The following EDA2R variants were observed in gnomAD, a reference collection of about 807,000 sequenced individuals.
EDA2R encodes the protein tumor necrosis factor receptor superfamily member 27.
In EDA2R, 26 loss-of-function variants were observed where a neutral mutation model predicts 20.1. The ratio of observed to expected loss-of-function variants is 1.30; its 90% confidence interval spans 0.95 to 1.80. The LOEUF is 1.80. Among genes scored for constraint, EDA2R ranks in the 40% most tolerant of loss-of-function variants. The pLI, the probability that EDA2R is intolerant of heterozygous loss-of-function variation, is 0.00. For synonymous variants in EDA2R, 114 were observed against 88.7 expected (o/e 1.29, Z -1.60); for missense variants, 277 against 228.7 (o/e 1.21, Z -1.36).
At chrX:66,616,109 G>T in intron 1 of EDA2R, 79 bp from the exon 2 acceptor site, 1 of 652,111 alleles carries the variant, frequency 1.5e-6, no homozygotes, top group Non-Finnish European at 2.5e-6. Context: ...CTTGGCTTCT[G>T]GGTCCCCTTA....
intron 1 of EDA2R, among the ~76,000 whole-genome samples, chrX:66,616,285 T>C (rs913647007): frequency 8.9e-6 from 1 of 112,565 alleles, no homozygotes; most frequent in Non-Finnish European, 1.9e-5. Flanking sequence ...AGCAACATTT[T>C]ACAGATGAAG....
At chrX:66,637,989 A>T (rs1011797210) in intron 1 of EDA2R, among the ~76,000 whole-genome samples, 7 of 111,126 alleles carry the variant, frequency 6.3e-5, no homozygotes, top group East Asian at 2.8e-4. Context: ...AAAAAAGAAT[A>T]AAAAAAAACC....
At chrX:66,627,900 C>A (rs779672383) in intron 1 of EDA2R, among the ~76,000 whole-genome samples, 151 of 111,908 alleles carry the variant, frequency 1.3e-3, no homozygotes, top group African/African-American at 4.7e-3. Flanking sequence ...TTCAACAGTG[C>A]ATGGAACTTT....
chrX:66,615,827 T>C lies in EDA2R; in HGVS notation c.87+107A>G. 5.4e-6 allele frequency: 3 copies of C among 558,043 alleles called. No homozygotes were observed. The East Asian group carries it at 1.1e-4, about 20-fold the overall frequency. 46.0% of individuals were successfully genotyped at this position (558,043 alleles called of 1,213,427 possible). A position where few individuals can be genotyped will look rare whatever the true frequency, so the allele number is the denominator to read the frequency against. ...GGATCCCAGGTTTTACCCGCTGAACTGGATCAGTCATAAGTAGGGCTGACT... is the reference window on the plus strand; with the variant it reads ...GGATCCCAGGTTTTACCCGCTGAACCGGATCAGTCATAAGTAGGGCTGACT... On this transcript the variant is annotated intron_variant, in intron 2 of 6. Coordinates refer to ENST00000374719, the MANE Select transcript of EDA2R (RefSeq NM_021783.5).
Position 66,598,020 on chromosome X carries a change from C to A in EDA2R, c.*84G>T, listed in dbSNP as rs1274651735. On this transcript the variant is annotated 3_prime_UTR_variant, in exon 7 of 7. Transcript: ENST00000374719. Reference sequence around the variant, plus strand: ...CTCTTGTGGACATCACATTTCAGGCCCCTGCTGCTGTTGTGGTATAGGAAC... The same window carrying A: ...CTCTTGTGGACATCACATTTCAGGCACCTGCTGCTGTTGTGGTATAGGAAC... 5.2e-6 allele frequency: 5 copies of A among 965,349 alleles called. No homozygotes were observed. The highest frequency in any genetic ancestry group is 6.6e-6 in the Non-Finnish European group (5 of 753,293). 79.6% of individuals were successfully genotyped at this position (965,349 alleles called of 1,213,427 possible). A position where few individuals can be genotyped will look rare whatever the true frequency, so the allele number is the denominator to read the frequency against.
intron 5 of EDA2R, among the ~76,000 whole-genome samples, chrX:66,602,429 C>G (rs1215767629): frequency 1.8e-5 from 2 of 111,038 alleles, no homozygotes; most frequent in African/African-American, 6.6e-5. Flanking sequence ...CTTCTAAACT[C>G]TCAGGGTTGG....
chrX:66,602,916 T>C, intron 4 of EDA2R, 119 bp from the exon 5 acceptor site: 1 of 645,039 alleles, frequency 1.6e-6, no homozygotes, highest in Non-Finnish European at 2.2e-6. Flanking sequence ...CCAATTAGGG[T>C]GGCTATGCTG....
At chrX:66,598,960 G>A (rs1029463677) in intron 6 of EDA2R, among the ~76,000 whole-genome samples, 1 of 111,598 alleles carries the variant, frequency 9.0e-6, no homozygotes, top group Admixed American at 9.5e-5. Flanking sequence ...CACAGTTCTA[G>A]CCCACTAATT....
intron 2 of EDA2R, among the ~76,000 whole-genome samples, chrX:66,614,124 C>A (rs900435219): frequency 9.0e-6 from 1 of 111,588 alleles, no homozygotes; most frequent in Non-Finnish European, 1.9e-5. Flanking sequence ...TGTTGGACAG[C>A]TTCTGGGAAA....
intron 2 of EDA2R, 101 bp downstream of exon 2, chrX:66,615,833 A>T: frequency 3.5e-6 from 2 of 572,032 alleles, no homozygotes; most frequent in African/African-American, 2.2e-5. Context: ...GAACTGGATC[A>T]GTCATAAGTA....
chrX:66,608,152 ATT>A (rs1930032065), intron 2 of EDA2R, among the ~76,000 whole-genome samples: 1 of 111,910 alleles, frequency 8.9e-6, no homozygotes, highest in South Asian at 3.7e-4. Flanking sequence ...GACAATTTAA[ATT>A]ATCAAGTCTG....
chrX:66,610,377 G>A (rs755547746), intron 2 of EDA2R, among the ~76,000 whole-genome samples: 1 of 109,519 alleles, frequency 9.1e-6, no homozygotes, highest in East Asian at 2.9e-4. Flanking sequence ...CTAGAACATA[G>A]TAATCCTTCA....
At position 66,615,938 on chromosome X, in the gene EDA2R, G is replaced by A; in HGVS notation, c.83C>T (p.Ser28Phe). 2.5e-6 allele frequency: 3 copies of A among 1,206,280 alleles called. No individual in the cohort carries two copies. The highest frequency in any genetic ancestry group is 3.4e-6 in the Non-Finnish European group (3 of 891,212). Residue 28 changes from serine to phenylalanine, a missense_variant, in exon 2 of 7, where the codon TCC (serine) becomes TTC (phenylalanine). Physicochemically the swap from Ser to Phe is radical, Grantham distance 155 (BLOSUM62 -2). Coordinates refer to ENST00000374719, the MANE Select transcript of EDA2R (RefSeq NM_021783.5). The stretch of plus-strand genomic sequence containing the variant: ...GTACTGAATAGGATAACTTACCTTG[G>A]ATAGCTCCTGTCCAGGACCACACCG... Reference protein sequence around the residue: ...CQRCGPGQELSKDCGYGEGGD... With the variant: ...CQRCGPGQELFKDCGYGEGGD...
intron 1 of EDA2R, among the ~76,000 whole-genome samples, chrX:66,638,422 C>G (rs1053128349): frequency 4.8e-4 from 54 of 111,373 alleles, no homozygotes; most frequent in Non-Finnish European, 4.5e-4. Flanking sequence ...CTTGCTGGGT[C>G]TTGGCCAGTG....
At chrX:66,632,623 G>T (rs1383638520) in intron 1 of EDA2R, among the ~76,000 whole-genome samples, 1 of 107,290 alleles carries the variant, frequency 9.3e-6, no homozygotes, top group Non-Finnish European at 1.9e-5. Context: ...AAAAAAAAAA[G>T]AACCTTGATA....
chrX:66,635,171 C>A (rs1934206432), intron 1 of EDA2R, among the ~76,000 whole-genome samples: 1 of 111,819 alleles, frequency 8.9e-6, no homozygotes, highest in Non-Finnish European at 1.9e-5. Flanking sequence ...TCTATTAGAA[C>A]TTAGTGGCAA....
At chrX:66,600,704 C>T (rs187509489) in intron 5 of EDA2R, among the ~76,000 whole-genome samples, 81 of 111,756 alleles carry the variant, frequency 7.2e-4, no homozygotes, top group Non-Finnish European at 2.3e-4. Context: ...AGTAATACCC[C>T]CTTCATGCAT....
chrX:66,616,691 G>T (rs1385070426), intron 1 of EDA2R, among the ~76,000 whole-genome samples: 1 of 112,382 alleles, frequency 8.9e-6, no homozygotes, highest in Non-Finnish European at 1.9e-5. Flanking sequence ...AAGGTGCACA[G>T]ATAGGGAAAC....
chrX:66,627,250 G>T (rs918408303), intron 1 of EDA2R, among the ~76,000 whole-genome samples: 8 of 111,985 alleles, frequency 7.1e-5, no homozygotes, highest in African/African-American at 2.6e-4. Context: ...GCAACAAATA[G>T]CACAATGAAT....
Sources: gnomAD v4.1 joint callset for allele counts (sites outside exome capture counted in the v4.1 genomes callset) on GRCh38, gnomAD v4.1.1 for gene constraint, MANE v1.5 for transcripts, NCBI Gene and HGNC (gene_info 2026-07-23, HGNC 2026-07-21) for gene names.